Variants in MAST4 observed in about 807,000 individuals in gnomAD.
The protein encoded by MAST4 is microtubule-associated serine/threonine-protein kinase 4.
A neutral mutation model predicts 162.7 loss-of-function variants in MAST4; 89 were observed. That is an observed-to-expected ratio of 0.55 (90% CI 0.46 to 0.65). The LOEUF (loss-of-function observed/expected upper bound fraction) is 0.65. Among genes scored for constraint, MAST4 ranks in the 30% least tolerant of loss-of-function variants. The pLI, the probability that MAST4 is intolerant of heterozygous loss-of-function variation, is 0.00. For missense variants in MAST4, 3,153 were observed against 3,374.0 expected (o/e 0.93, Z 1.62); for synonymous variants, 1,479 against 1,361.1 (o/e 1.09, Z -1.91).
chr5:66,602,680 G>A (rs1185448779), intron 1 of MAST4, among the ~76,000 whole-genome samples: 1 of 152,162 alleles, frequency 6.6e-6, no homozygotes, highest in African/African-American at 2.4e-5. Context: ...GTGCATCTTA[G>A]AAGAGATGAT....
At chr5:66,605,812 T>C (rs1742846485) in intron 1 of MAST4, among the ~76,000 whole-genome samples, 1 of 152,230 alleles carries the variant, frequency 6.6e-6, no homozygotes, top group Admixed American at 6.5e-5. Context: ...CTTGGAACTC[T>C]TGATTTTTCT....
intron 4 of MAST4, among the ~76,000 whole-genome samples, chr5:66,931,974 G>A (rs958939780): frequency 3.3e-5 from 5 of 152,232 alleles, no homozygotes; most frequent in Non-Finnish European, 2.9e-5. Context: ...GGGGTGAGGA[G>A]GAATGGTATG....
intron 3 of MAST4, among the ~76,000 whole-genome samples, chr5:66,802,601 CTTTAGAG>C (rs991856382): frequency 6.6e-6 from 1 of 152,106 alleles, no homozygotes; most frequent in African/African-American, 2.4e-5. Context: ...CTCTGTAGGT[CTTTAGAG>C]TTTAGAGTCT....
intron 14 of MAST4, among the ~76,000 whole-genome samples, chr5:67,125,701 C>T (rs1018326376): frequency 9.9e-5 from 15 of 152,012 alleles, no homozygotes; most frequent in Non-Finnish European, 1.9e-4. Flanking sequence ...TGAACAGTGC[C>T]ACAATAAATA....
intron 4 of MAST4, among the ~76,000 whole-genome samples, chr5:66,907,155 A>C (rs1763405502): frequency 8.9e-6 from 1 of 112,030 alleles, no homozygotes; most frequent in Admixed American, 9.5e-5. Flanking sequence ...ACTCTCAGCA[A>C]AGCGAGAGAG....
chr5:66,763,814 CT>C (rs1199213632), intron 2 of MAST4, among the ~76,000 whole-genome samples: 2 of 152,104 alleles, frequency 1.3e-5, no homozygotes, highest in Non-Finnish European at 2.9e-5. Context: ...GCATTATTGA[CT>C]TAAGATATTT....
At chr5:66,776,231 T>TA (rs1754596122) in intron 2 of MAST4, among the ~76,000 whole-genome samples, 1 of 152,208 alleles carries the variant, frequency 6.6e-6, no homozygotes, top group Non-Finnish European at 1.5e-5. Context: ...CCCAACTCCT[T>TA]AGCCTCTGTC....
intron 3 of MAST4, among the ~76,000 whole-genome samples, chr5:66,851,724 T>G (rs1006798367): frequency 6.6e-5 from 10 of 152,192 alleles, no homozygotes; most frequent in Non-Finnish European, 8.8e-5. Flanking sequence ...GAGCCCCTAT[T>G]TGTATCAGCG....
chr5:66,914,594 A>G (rs1264007488), intron 4 of MAST4, among the ~76,000 whole-genome samples: 3 of 152,108 alleles, frequency 2.0e-5, no homozygotes, highest in African/African-American at 7.2e-5. Flanking sequence ...GTGGCTGGGG[A>G]GAGAACCACG....
intron 3 of MAST4, among the ~76,000 whole-genome samples, chr5:66,790,998 A>G (rs947150266): frequency 6.6e-6 from 1 of 152,168 alleles, no homozygotes; most frequent in Non-Finnish European, 1.5e-5. Flanking sequence ...TCACAGAATA[A>G]TATGTTTTCT....
chr5:66,701,391 G>T (rs947412635), intron 1 of MAST4, among the ~76,000 whole-genome samples: 8 of 152,160 alleles, frequency 5.3e-5, no homozygotes, highest in African/African-American at 1.9e-4. Flanking sequence ...TTAGTAAGGT[G>T]CATCCCCGTG....
intron 4 of MAST4, among the ~76,000 whole-genome samples, chr5:66,951,553 G>C (rs1225248950): frequency 6.6e-6 from 1 of 151,292 alleles, no homozygotes; most frequent in Non-Finnish European, 1.5e-5. Flanking sequence ...CAGGTTCTGG[G>C]GATTGCTACA....
intron 3 of MAST4, among the ~76,000 whole-genome samples, chr5:66,868,578 A>G (rs144346980): frequency 0.01 from 1,578 of 151,972 alleles, 24 homozygotes; most frequent in Middle Eastern, 0.037. Flanking sequence ...ACATGGAGAA[A>G]AACTTGTGGT....
At chr5:67,152,381 T>C (rs1246732532) in intron 24 of MAST4, among the ~76,000 whole-genome samples, 3 of 152,276 alleles carry the variant, frequency 2.0e-5, no homozygotes, top group Non-Finnish European at 4.4e-5. Context: ...CATGAGAGTA[T>C]TGAAATTTCT....
intron 4 of MAST4, chr5:66,931,062 T>C (rs927393278): frequency 7.1e-5 from 15 of 210,212 alleles, no homozygotes; most frequent in Admixed American, 5.5e-4. Flanking sequence ...AGGGGAAATA[T>C]AGCTTCTGAG....
chr5:66,652,395 A>G (rs1746286428), intron 1 of MAST4, among the ~76,000 whole-genome samples: 1 of 152,216 alleles, frequency 6.6e-6, no homozygotes, highest in South Asian at 2.1e-4. Flanking sequence ...GATGGTACAA[A>G]CTAATGAACA....
chr5:66,723,236 A>G (rs1751323814), intron 1 of MAST4, among the ~76,000 whole-genome samples: 1 of 152,204 alleles, frequency 6.6e-6, no homozygotes, highest in South Asian at 2.1e-4. Context: ...GCCCTTGTCC[A>G]GAATGTTAGT....
intron 1 of MAST4, 108 bp downstream of exon 1, chr5:66,597,126 G>A: frequency 8.1e-7 from 1 of 1,238,336 alleles, no homozygotes; most frequent in Non-Finnish European, 1.0e-6. Context: ...CCTGGAGATA[G>A]GGAGGGACCC....
At chr5:66,607,448 A>T (rs1407864719) in intron 1 of MAST4, among the ~76,000 whole-genome samples, 2 of 152,240 alleles carry the variant, frequency 1.3e-5, no homozygotes, top group African/African-American at 2.4e-5. Flanking sequence ...GTATTCTGCC[A>T]GGATAATTCT....
Sources: gnomAD v4.1 joint callset for allele counts (sites outside exome capture counted in the v4.1 genomes callset) on GRCh38, gnomAD v4.1.1 for gene constraint, MANE v1.5 for transcripts, NCBI Gene and HGNC (gene_info 2026-07-23, HGNC 2026-07-21) for gene names.